Variants in PRKN observed in about 807,000 individuals in gnomAD.
PRKN encodes parkin RBR E3 ubiquitin protein ligase.
In PRKN, 56 loss-of-function variants were observed where a neutral mutation model predicts 59.5. That is an observed-to-expected ratio of 0.94 (90% CI 0.76 to 1.18). PRKN has a LOEUF of 1.18. Ranked by LOEUF, PRKN falls within the 50% of genes most tolerant of loss-of-function variation. PRKN has a pLI of 0.00. For missense variants in PRKN, 657 were observed against 596.4 expected, an observed-to-expected ratio of 1.10 and a Z score of -1.06; for synonymous variants, 250 against 222.1, an observed-to-expected ratio of 1.13 and a Z score of -1.12.
At chr6:162,698,945 G>C (rs982681612) in intron 1 of PRKN, among the ~76,000 whole-genome samples, 3 of 152,186 alleles carry the variant, frequency 2.0e-5, no homozygotes, top group African/African-American at 7.2e-5. Flanking sequence ...AGAGTTCACA[G>C]AAACAACAGT....
Position 162,433,679 on chromosome 6 carries a change from C to G in PRKN, c.171+9631G>C, listed in dbSNP as rs114063607. Among the ~76,000 whole-genome samples the G allele has an allele frequency of 4.5e-3, 660 of 147,796 alleles. 6 individuals are homozygous for G. Among genetic ancestry groups the G allele is most frequent in the African/African-American group, 0.015 (600 of 38,752 alleles). On this transcript the variant is annotated intron_variant, in intron 2 of 11. Transcript: ENST00000366898. Reference sequence around the variant, plus strand: ...GTCCAAGGTTTAAATAACACTAGAACTATCTTAAACAAATGTTTGTGTTTA... The same window carrying G: ...GTCCAAGGTTTAAATAACACTAGAAGTATCTTAAACAAATGTTTGTGTTTA...
Position 162,387,218 on chromosome 6 carries a change from A to G in PRKN, c.171+56092T>C, listed in dbSNP as rs376377413. Among the ~76,000 whole-genome samples the G allele has an allele frequency of 1.6e-3, 229 of 140,196 alleles. 1 individual carries two copies. Among genetic ancestry groups the G allele is most frequent in the East Asian group, 0.016 (70 of 4,492 alleles). The allele number at this position is 140,196 out of a possible 152,430, so 92.0% of individuals were successfully genotyped here. On this transcript the variant is annotated intron_variant, in intron 2 of 11. Coordinates refer to ENST00000366898, the MANE Select transcript of PRKN (RefSeq NM_004562.3). ...AGAATTGAAAATCCAGTAATTACAC[A>G]CTAAGAAAAAATAAGCAAAAAAAAA...
chr6:162,387,278 G>A (rs1786881990), intron 2 of PRKN, among the ~76,000 whole-genome samples: 1 of 150,100 alleles, frequency 6.7e-6, no homozygotes, highest in Non-Finnish European at 1.5e-5. Context: ...AATGTTTACT[G>A]GAAGGCTGTG....
At chr6:161,515,820 G>C (rs1778566386) in intron 9 of PRKN, among the ~76,000 whole-genome samples, 1 of 151,928 alleles carries the variant, frequency 6.6e-6, no homozygotes, top group South Asian at 2.1e-4. Flanking sequence ...ACCACCATTT[G>C]AGCACAGTCA....
At chr6:162,278,018 C>A (rs1208354010) in intron 2 of PRKN, among the ~76,000 whole-genome samples, 1 of 152,146 alleles carries the variant, frequency 6.6e-6, no homozygotes, top group Non-Finnish European at 1.5e-5. Context: ...TTCAATGCAA[C>A]CAACATGTTC....
chr6:162,078,737 C>T (rs9346898), intron 4 of PRKN, among the ~76,000 whole-genome samples: 122,882 of 151,694 alleles, frequency 0.81, 49,956 homozygotes, highest in Admixed American at 0.88. Flanking sequence ...GGAATAAATG[C>T]GTGTGCCACA....
intron 1 of PRKN, among the ~76,000 whole-genome samples, chr6:162,672,685 A>AGTGTGTGTGTGTGTGTGTGTGT (rs56722608): frequency 1.3e-5 from 2 of 149,064 alleles, no homozygotes; most frequent in African/African-American, 2.5e-5. Flanking sequence ...TTGGGGGAAA[A>AGTGTGTGTGTGTGTGTGTGTGT]GTGTGTGTGT....
chr6:162,455,361 C>T (rs941521591), intron 1 of PRKN, among the ~76,000 whole-genome samples: 8 of 152,174 alleles, frequency 5.3e-5, no homozygotes, highest in African/African-American at 1.7e-4. Context: ...ATTGTGCAAA[C>T]ATCATGGAGT....
chr6:162,037,990 A>G (rs1187621050), intron 5 of PRKN, among the ~76,000 whole-genome samples: 1 of 149,720 alleles, frequency 6.7e-6, no homozygotes, highest in Admixed American at 6.8e-5. Context: ...ATCTAGTATG[A>G]CATTTAAAAA....
intron 7 of PRKN, among the ~76,000 whole-genome samples, chr6:161,738,989 G>T (rs967322674): frequency 4.6e-5 from 7 of 152,196 alleles, no homozygotes; most frequent in Non-Finnish European, 1.0e-4. Context: ...GATGATGTGG[G>T]TTACTGGTCA....
chr6:162,441,796 A>G (rs929357990), intron 2 of PRKN, among the ~76,000 whole-genome samples: 1 of 152,208 alleles, frequency 6.6e-6, no homozygotes, highest in Non-Finnish European at 1.5e-5. Flanking sequence ...TATGTTTGCA[A>G]AGTCAATCAT....
At chr6:162,613,444 T>C (rs1376313152) in intron 1 of PRKN, among the ~76,000 whole-genome samples, 1 of 152,238 alleles carries the variant, frequency 6.6e-6, no homozygotes, top group Non-Finnish European at 1.5e-5. Flanking sequence ...GTAATAATTC[T>C]AGAAAAATGC....
intron 4 of PRKN, among the ~76,000 whole-genome samples, chr6:162,145,810 C>T (rs1381181614): frequency 1.3e-5 from 2 of 152,120 alleles, no homozygotes; most frequent in Non-Finnish European, 2.9e-5. Flanking sequence ...AAAGGTCATA[C>T]TCCTAAACAA....
chr6:162,663,992 G>A (rs917485584), intron 1 of PRKN, among the ~76,000 whole-genome samples: 1 of 151,420 alleles, frequency 6.6e-6, no homozygotes. Flanking sequence ...ATAGGTATAT[G>A]TGTGCCATGG....
intron 1 of PRKN, among the ~76,000 whole-genome samples, chr6:162,648,026 C>G (rs975081095): frequency 6.8e-6 from 1 of 146,272 alleles, no homozygotes; most frequent in African/African-American, 2.5e-5. Context: ...CTAAATATTC[C>G]CCCACATCAC....
At chr6:161,665,066 G>C (rs532071205) in intron 7 of PRKN, among the ~76,000 whole-genome samples, 1 of 152,088 alleles carries the variant, frequency 6.6e-6, no homozygotes, top group Admixed American at 6.5e-5. Context: ...GATTACAGGC[G>C]TAAGCCACCA....
chr6:162,553,326 T>A (rs558944628), intron 1 of PRKN, among the ~76,000 whole-genome samples: 2 of 151,704 alleles, frequency 1.3e-5, no homozygotes, highest in African/African-American at 4.8e-5. Context: ...CTTCTTAAAT[T>A]GCAGTAACAT....
intron 9 of PRKN, among the ~76,000 whole-genome samples, chr6:161,425,265 G>A (rs756696897): frequency 4.2e-4 from 64 of 152,104 alleles, no homozygotes; most frequent in Admixed American, 1.6e-3. Context: ...CTACTGACTC[G>A]TGTTAGAGAG....
intron 2 of PRKN, among the ~76,000 whole-genome samples, chr6:162,301,787 G>A (rs918823397): frequency 2.6e-5 from 3 of 116,472 alleles, no homozygotes; most frequent in Non-Finnish European, 3.6e-5. Context: ...CCGGGGCGGG[G>A]GGGGGGTGCA....
Sources: gnomAD v4.1 joint callset for allele counts (sites outside exome capture counted in the v4.1 genomes callset) on GRCh38, gnomAD v4.1.1 for gene constraint, MANE v1.5 for transcripts, NCBI Gene and HGNC (gene_info 2026-07-23, HGNC 2026-07-21) for gene names.